Variants in ARHGAP15 observed in about 807,000 individuals in gnomAD.
The protein encoded by ARHGAP15 is Rho GTPase activating protein 15.
A neutral mutation model predicts 63.7 loss-of-function variants in ARHGAP15; 51 were observed. That is an observed-to-expected ratio of 0.80 (90% CI 0.64 to 1.01). The LOEUF (loss-of-function observed/expected upper bound fraction) is 1.01, where lower values mean the gene tolerates loss of function less well. ARHGAP15 is among the 50% of genes least tolerant of loss of function. The pLI is 0.00. For missense variants in ARHGAP15, 560 were observed against 564.6 expected (o/e 0.99, Z 0.08); for synonymous variants, 191 against 193.8 (o/e 0.99, Z 0.12).
At chr2:143,395,646 G>C (rs756803262) in intron 6 of ARHGAP15, among the ~76,000 whole-genome samples, 19 of 152,110 alleles carry the variant, frequency 1.2e-4, no homozygotes, top group South Asian at 4.2e-4. Flanking sequence ...AGGAAAAGGA[G>C]AACAAGTAAC....
chr2:143,268,752 A>G (rs1272450757), intron 6 of ARHGAP15, among the ~76,000 whole-genome samples: 4 of 152,128 alleles, frequency 2.6e-5, no homozygotes, highest in Non-Finnish European at 5.9e-5. Flanking sequence ...TAAAAGTAAA[A>G]ATCCGTATAT....
intron 4 of ARHGAP15, among the ~76,000 whole-genome samples, chr2:143,219,046 T>C (rs536522775): frequency 2.8e-4 from 43 of 152,362 alleles, no homozygotes; most frequent in African/African-American, 1.0e-3. Flanking sequence ...TTAAATCTAG[T>C]TCATTTCTTC....
intron 8 of ARHGAP15, among the ~76,000 whole-genome samples, chr2:143,470,197 TTAAG>T (rs1365606834): frequency 1.3e-5 from 2 of 151,962 alleles, no homozygotes; most frequent in African/African-American, 4.8e-5. Context: ...CTATTTTTCT[TTAAG>T]AAAGAGCTCA....
rs144287295 is a variant in ARHGAP15, at chr2:143,471,202, A to G, written c.704-16171A>G. Among the ~76,000 whole-genome samples, 1,194 of 141,830 alleles carry G rather than the reference A, an allele frequency of 8.4e-3. 17 individuals are homozygous for G. Among genetic ancestry groups the G allele is most frequent in the African/African-American group, 0.029 (1,139 of 38,930 alleles). 93.0% of individuals were successfully genotyped at this position (141,830 alleles called of 152,430 possible). A position where few individuals can be genotyped will look rare whatever the true frequency, so the allele number is the denominator to read the frequency against. On this transcript the variant is annotated intron_variant, in intron 8 of 13. Coordinates refer to ENST00000295095, the MANE Select transcript of ARHGAP15 (RefSeq NM_018460.4). ...TGTGTGTGTATATATACACACATAT[A>G]TGTGTGTATATATACACACACATGT...
At chr2:143,572,703 C>T (rs1200195569) in intron 11 of ARHGAP15, among the ~76,000 whole-genome samples, 1 of 152,154 alleles carries the variant, frequency 6.6e-6, no homozygotes, top group Non-Finnish European at 1.5e-5. Context: ...TCATGAAACT[C>T]TTGTCTCTGT....
At chr2:143,462,830 G>C (rs1183756314) in intron 8 of ARHGAP15, among the ~76,000 whole-genome samples, 1 of 152,132 alleles carries the variant, frequency 6.6e-6, no homozygotes, top group African/African-American at 2.4e-5. Context: ...CAGACAAAAA[G>C]ATTTTTCCAG....
In ARHGAP15 at chr2:143,698,141, T is replaced by C. The variant is rs75141781; in HGVS notation, c.1139-5278T>C. ...GGGATAAACTGGTCTTTTCTTCCTC[T>C]GAGTGGACCTATATAACAAAGCAGA... On this transcript the variant is annotated intron_variant, in intron 12 of 13. Transcript: ENST00000295095. Among the ~76,000 whole-genome samples the C allele has an allele frequency of 3.0e-3, 451 of 152,272 alleles. 1 individual carries two copies. Among genetic ancestry groups the C allele is most frequent in the African/African-American group, 0.01 (420 of 41,568 alleles).
intron 8 of ARHGAP15, among the ~76,000 whole-genome samples, chr2:143,440,041 CT>C (rs916055341): frequency 6.7e-5 from 10 of 149,080 alleles, no homozygotes; most frequent in Admixed American, 1.3e-4. Flanking sequence ...AGTTGTAAGC[CT>C]TTTTTTTTAG....
chr2:143,595,749 C>T (rs1697492462), intron 11 of ARHGAP15, among the ~76,000 whole-genome samples: 1 of 152,068 alleles, frequency 6.6e-6, no homozygotes, highest in African/African-American at 2.4e-5. Flanking sequence ...ATACCGTCTC[C>T]TAAGTCCTCT....
chr2:143,176,928 A>AT (rs1691031094), intron 2 of ARHGAP15, among the ~76,000 whole-genome samples: 2 of 152,288 alleles, frequency 1.3e-5, no homozygotes, highest in African/African-American at 4.8e-5. Context: ...GGGCCTTTCC[A>AT]TGGCCTCCTT....
intron 4 of ARHGAP15, among the ~76,000 whole-genome samples, chr2:143,223,439 G>A (rs1372356322): frequency 6.6e-6 from 1 of 152,064 alleles, no homozygotes; most frequent in African/African-American, 2.4e-5. Flanking sequence ...CCTGAACTGT[G>A]TGTCTTAGTT....
At chr2:143,475,750 A>G (rs1267702929) in intron 8 of ARHGAP15, among the ~76,000 whole-genome samples, 2 of 152,266 alleles carry the variant, frequency 1.3e-5, no homozygotes, top group Admixed American at 1.3e-4. Flanking sequence ...CATAGCTTAC[A>G]GCCAGAGACA....
chr2:143,724,748 AAC>A (rs1685207289), intron 13 of ARHGAP15, among the ~76,000 whole-genome samples: 1 of 152,214 alleles, frequency 6.6e-6, no homozygotes, highest in Admixed American at 6.5e-5. Flanking sequence ...GATGGAGTTA[AAC>A]ACAACTTTCG....
intron 11 of ARHGAP15, among the ~76,000 whole-genome samples, chr2:143,573,026 A>G (rs780495702): frequency 1.3e-5 from 2 of 152,300 alleles, no homozygotes; most frequent in South Asian, 2.1e-4. Flanking sequence ...TTGTGTGTTT[A>G]TAGAAGAAAC....
chr2:143,396,359 G>A (rs1460145901), intron 6 of ARHGAP15, among the ~76,000 whole-genome samples: 1 of 152,012 alleles, frequency 6.6e-6, no homozygotes, highest in Non-Finnish European at 1.5e-5. Context: ...CATCTTCTCT[G>A]TGCCATAACT....
At chr2:143,695,180 T>C (rs1422584533) in intron 12 of ARHGAP15, among the ~76,000 whole-genome samples, 1 of 152,052 alleles carries the variant, frequency 6.6e-6, no homozygotes, top group Non-Finnish European at 1.5e-5. Flanking sequence ...CAGATATAAA[T>C]GAATAAATAT....
At chr2:143,160,350 G>T (rs1690242048) in intron 2 of ARHGAP15, among the ~76,000 whole-genome samples, 1 of 151,728 alleles carries the variant, frequency 6.6e-6, no homozygotes, top group South Asian at 2.1e-4. Flanking sequence ...ATCTTTATTG[G>T]ACTATTGTGG....
At chr2:143,391,440 G>A (rs766879705) in intron 6 of ARHGAP15, among the ~76,000 whole-genome samples, 7 of 151,962 alleles carry the variant, frequency 4.6e-5, no homozygotes, top group Non-Finnish European at 8.8e-5. Flanking sequence ...TATGTGAGGC[G>A]AGATCTGATT....
intron 1 of ARHGAP15, among the ~76,000 whole-genome samples, chr2:143,151,229 C>A (rs1197421952): frequency 6.6e-6 from 1 of 151,946 alleles, no homozygotes; most frequent in African/African-American, 2.4e-5. Context: ...GTTGAGCAGG[C>A]TTTGCAATGG....
Sources: gnomAD v4.1 joint callset for allele counts (sites outside exome capture counted in the v4.1 genomes callset) on GRCh38, gnomAD v4.1.1 for gene constraint, MANE v1.5 for transcripts, NCBI Gene and HGNC (gene_info 2026-07-23, HGNC 2026-07-21) for gene names.